The following INTS6 variants were observed in gnomAD, a reference collection of about 807,000 sequenced individuals.
INTS6 encodes integrator complex subunit 6.
A neutral mutation model predicts 104.9 loss-of-function variants in INTS6; 16 were observed. The ratio of observed to expected loss-of-function variants is 0.15; its 90% CI spans 0.10 to 0.23. INTS6 has a LOEUF of 0.23. Among genes scored for constraint, INTS6 ranks in the 10% least tolerant of loss-of-function variants. The probability of loss-of-function intolerance (pLI) is 1.00; values close to 1 mark genes in which losing one functional copy is unlikely to be tolerated. For missense variants in INTS6, 584 were observed against 1,062.8 expected, an observed-to-expected ratio of 0.55 and a Z score of 6.26; for synonymous variants, 324 against 358.7, an observed-to-expected ratio of 0.90 and a Z score of 1.09.
chr13:51,428,706 T>C (rs1957030374), intron 4 of INTS6, among the ~76,000 whole-genome samples: 1 of 152,188 alleles, frequency 6.6e-6, no homozygotes, highest in African/African-American at 2.4e-5. Flanking sequence ...TGGCTGTACA[T>C]GTCAACTAAT....
intron 15 of INTS6, among the ~76,000 whole-genome samples, chr13:51,373,123 C>T (rs114609314): frequency 2.4e-4 from 36 of 151,718 alleles, no homozygotes; most frequent in African/African-American, 7.7e-4. Context: ...ATTTTACTAA[C>T]GGTATCCCAC....
At chr13:51,429,780 AAAAAAATAT>A (rs1439760365) in intron 4 of INTS6, among the ~76,000 whole-genome samples, 8 of 131,654 alleles carry the variant, frequency 6.1e-5, no homozygotes, top group African/African-American at 2.2e-4. Context: ...AAAAAAAAAA[AAAAAAATAT>A]ATATATATAT....
chr13:51,357,046 T>C (rs1421955544), downstream of INTS6, among the ~76,000 whole-genome samples: 1 of 152,180 alleles, frequency 6.6e-6, no homozygotes, highest in African/African-American at 2.4e-5. Context: ...GCCACTCTCA[T>C]TCATTCATAA....
chr13:51,335,502 T>C, the INTS6 span, among the ~76,000 whole-genome samples: 1 of 152,210 alleles, frequency 6.6e-6, no homozygotes, highest in Non-Finnish European at 1.5e-5. Context: ...TTGGCAGAGA[T>C]GTGGGGTGTT....
chr13:51,431,507 TATAAAC>T lies in INTS6; in HGVS notation c.340-1130_340-1125del, dbSNP rs553478338. On this transcript the variant is annotated intron_variant, in intron 3 of 17. Transcript: ENST00000311234. ...TAGAACAACAAGAATGTAGAAGAGT[TATAAAC>T]ATATAATATTCTATGGTCCTATAAC... 3.9e-5 allele frequency among the ~76,000 whole-genome samples: 6 copies of T among 152,328 alleles called. No homozygotes were observed. The East Asian group carries it at 1.2e-3, about 29-fold the overall frequency.
At chr13:51,412,909 A>T (rs1956713377) in intron 4 of INTS6, among the ~76,000 whole-genome samples, 2 of 152,238 alleles carry the variant, frequency 1.3e-5, no homozygotes, top group Admixed American at 1.3e-4. Flanking sequence ...AACTAGATCA[A>T]CTAGTAGGCA....
chr13:51,382,203 T>TA (rs1256248510), intron 9 of INTS6, 80 bp from the exon 10 acceptor site: 2 of 730,672 alleles, frequency 2.7e-6, no homozygotes, highest in Non-Finnish European at 4.3e-6. Flanking sequence ...GTTTCCTTTT[T>TA]AAAGTCTGCT....
intron 4 of INTS6, among the ~76,000 whole-genome samples, chr13:51,406,695 TA>T: frequency 6.6e-6 from 1 of 152,096 alleles, no homozygotes. Flanking sequence ...ATATTAATAA[TA>T]TTACTCAGCA....
intron 4 of INTS6, among the ~76,000 whole-genome samples, chr13:51,398,935 T>C (rs1247810031): frequency 6.6e-6 from 1 of 152,136 alleles, no homozygotes; most frequent in Non-Finnish European, 1.5e-5. Context: ...TACATACATA[T>C]AAGAACATAT....
intron 3 of INTS6, chr13:51,447,254 G>C (rs1952936968): frequency 6.6e-6 from 1 of 152,060 alleles, no homozygotes; most frequent in African/African-American, 2.4e-5. Context: ...AATGGAAATG[G>C]AGTTCTCACT....
chr13:51,357,672 C>G (rs374183840), downstream of INTS6, among the ~76,000 whole-genome samples: 2 of 152,006 alleles, frequency 1.3e-5, no homozygotes, highest in Non-Finnish European at 2.9e-5. Flanking sequence ...GTAGTTCCCC[C>G]CCAGTCTCCT....
chr13:51,401,895 T>TA (rs1288778101), intron 4 of INTS6, among the ~76,000 whole-genome samples: 8 of 152,186 alleles, frequency 5.3e-5, no homozygotes, highest in South Asian at 2.1e-4. Flanking sequence ...GAATTAATAT[T>TA]AAAAAAACTA....
At chr13:51,437,507 T>A (rs1285676810) in intron 3 of INTS6, 2 of 151,948 alleles carry the variant, frequency 1.3e-5, no homozygotes, top group Non-Finnish European at 2.9e-5. Context: ...GAAGATGGCA[T>A]TCTATGACAG....
chr13:51,339,473 C>T, the INTS6 span: 1 of 152,394 alleles, frequency 6.6e-6, no homozygotes, highest in Non-Finnish European at 1.5e-5. Flanking sequence ...TGGCTCTCCC[C>T]CCACGGCCCT....
At chr13:51,398,713 A>T in intron 4 of INTS6, among the ~76,000 whole-genome samples, 1 of 149,486 alleles carries the variant, frequency 6.7e-6, no homozygotes, top group East Asian at 2.0e-4. Context: ...CTCTCATATT[A>T]TTTGTATAAG....
At chr13:51,359,369 G>T (rs879491991), downstream of INTS6, among the ~76,000 whole-genome samples, 1 of 152,114 alleles carries the variant, frequency 6.6e-6, no homozygotes, top group Admixed American at 6.6e-5. Flanking sequence ...CTTTTGAAAT[G>T]TCAACTCTTA....
At chr13:51,443,528 T>C (rs928680398) in intron 3 of INTS6, 3 of 152,150 alleles carry the variant, frequency 2.0e-5, no homozygotes, top group Non-Finnish European at 4.4e-5. Context: ...TATAGACTAA[T>C]AGTAAGACTA....
intron 3 of INTS6, chr13:51,355,201 A>T: frequency 1.2e-6 from 1 of 813,122 alleles, no homozygotes; most frequent in Non-Finnish European, 2.0e-6. Flanking sequence ...GTTTTATCAT[A>T]CTTTGATTAA....
the INTS6 span, among the ~76,000 whole-genome samples, chr13:51,335,316 C>T: frequency 6.6e-6 from 1 of 151,960 alleles, no homozygotes; most frequent in Non-Finnish European, 1.5e-5. Context: ...ACAACAACCA[C>T]AATATAGAAA....
Sources: gnomAD v4.1 joint callset for allele counts (sites outside exome capture counted in the v4.1 genomes callset) on GRCh38, gnomAD v4.1.1 for gene constraint, MANE v1.5 for transcripts, NCBI Gene and HGNC (gene_info 2026-07-23, HGNC 2026-07-21) for gene names.